The following EGFR variants were observed in gnomAD, a reference collection of about 807,000 sequenced individuals.
EGFR encodes the protein avian erythroblastic leukemia viral (v-erb-b) oncogene homolog.
In EGFR, 58 loss-of-function variants were observed where a neutral mutation model predicts 143.0. That is an observed-to-expected ratio of 0.41 (90% CI 0.33 to 0.50). EGFR has a LOEUF of 0.50. EGFR is among the 20% of genes least tolerant of loss of function. The pLI is 0.39. For synonymous variants in EGFR, 613 were observed against 594.4 expected (o/e 1.03, Z -0.45); for missense variants, 1,307 against 1,579.0 (o/e 0.83, Z 2.92).
At chr7:55,082,372 G>T (rs762753929) in intron 1 of EGFR, among the ~76,000 whole-genome samples, 1 of 152,018 alleles carries the variant, frequency 6.6e-6, no homozygotes, top group Admixed American at 6.6e-5. Flanking sequence ...TTCATAAGCA[G>T]CTTTGGTGTT....
Position 55,173,088 on chromosome 7 carries a change from G to A in EGFR, c.2025G>A (p.Arg675=), listed in dbSNP as rs372471129. 9.5e-5 allele frequency: 153 copies of A among 1,612,706 alleles called. No individual in the cohort carries two copies. The highest frequency in any genetic ancestry group is 1.2e-4 in the Non-Finnish European group (144 of 1,180,050). ...TCATGCGAAGGCGCCACATCGTTCG[G>A]AAGCGCACGCTGCGGAGGCTGCTGC... ...GLFMRRRHIV[R]KRTLRRLLQE... is the part of the protein sequence containing the mutation. The change falls in exon 17 of 28, where the codon CGG becomes CGA. Residue 675 remains arginine, a synonymous_variant. Coordinates refer to ENST00000275493, the MANE Select transcript of EGFR (RefSeq NM_005228.5).
rs921852102 is a variant in EGFR at position 55,146,732 on chromosome 7, T to A, written c.551T>A (p.Leu184Gln). The change falls in exon 4 of 28, where the codon CTG (leucine) becomes CAG (glutamine). Residue 184 changes from leucine (L) to glutamine (Q), a missense_variant. This residue lies in a region of EGFR where 311 missense variants were observed against 412.3 expected (regional missense o/e 0.75). Coordinates refer to ENST00000275493, the MANE Select transcript of EGFR (RefSeq NM_005228.5). ...SNMSMDFQNH[L>Q]GSCQKCDPSC... ...ATGTCGATGGACTTCCAGAACCACC[T>A]GGGCAGCTGTAAGTGTCGCATACAC... is the stretch of plus-strand genomic sequence containing the variant. 2.5e-6 allele frequency: 4 copies of A among 1,614,076 alleles called. No individual in the cohort carries two copies. The highest frequency in any genetic ancestry group is 1.7e-5 in the Admixed American group (1 of 60,004).
Position 55,152,664 on chromosome 7 carries a change from G to T in EGFR, c.747G>T (p.Leu249=). The part of the protein sequence containing the change: ...GCTGPRESDC[L]VCRKFRDEAT... ...CAGGCCCCCGGGAGAGCGACTGCCT[G>T]GTAAGATGCCCCTCCAGCAGCCTCC... The change falls in exon 6 of 28, where the codon CTG becomes CTT. Residue 249 remains leucine (L), a splice_region_variant and synonymous_variant. Coordinates refer to ENST00000275493, the MANE Select transcript of EGFR (RefSeq NM_005228.5). 1 of 1,613,004 alleles carries T rather than the reference G, an allele frequency of 6.2e-7. No homozygotes were observed. The highest frequency in any genetic ancestry group is 8.5e-7 in the Non-Finnish European group (1 of 1,179,658).
At chr7:55,155,482 C>G (rs1164283885) in intron 7 of EGFR, among the ~76,000 whole-genome samples, 1 of 152,128 alleles carries the variant, frequency 6.6e-6, no homozygotes, top group Non-Finnish European at 1.5e-5. Context: ...CTAAAAATAA[C>G]GCAGAAGTCT....
intron 4 of EGFR, among the ~76,000 whole-genome samples, chr7:55,148,742 C>T: frequency 6.6e-6 from 1 of 152,112 alleles, no homozygotes; most frequent in East Asian, 1.9e-4. Flanking sequence ...TTCCTCCTTA[C>T]CATCTAGAGG....
chr7:55,163,894 TG>T, intron 14 of EGFR, 71 bp downstream of exon 14: 1 of 1,537,470 alleles, frequency 6.5e-7, no homozygotes, highest in Non-Finnish European at 9.0e-7. Flanking sequence ...ACAGTGATGA[TG>T]GCCCAGGGCA....
At chr7:55,172,819 T>G (rs1255615926) in intron 16 of EGFR, 164 bp from the exon 17 acceptor site, 1 of 1,548,240 alleles carries the variant, frequency 6.5e-7, no homozygotes, top group Admixed American at 1.9e-5. Context: ...AAACGTTGCC[T>G]TAGAAGCCTG....
At chr7:55,179,057 G>T (rs999905491) in intron 19 of EGFR, among the ~76,000 whole-genome samples, 1 of 152,230 alleles carries the variant, frequency 6.6e-6, no homozygotes, top group Non-Finnish European at 1.5e-5. Flanking sequence ...GCGGAGACTT[G>T]AGTCAACGTA....
At chr7:55,137,765 G>A (rs986031395) in intron 1 of EGFR, among the ~76,000 whole-genome samples, 3 of 152,296 alleles carry the variant, frequency 2.0e-5, no homozygotes, top group Non-Finnish European at 4.4e-5. Flanking sequence ...ATGTTCTAAA[G>A]CAAGCAAAGC....
chr7:55,055,195 T>C (rs1486332820), intron 1 of EGFR, among the ~76,000 whole-genome samples: 1 of 152,210 alleles, frequency 6.6e-6, no homozygotes, highest in African/African-American at 2.4e-5. Context: ...CTCTCTATAG[T>C]GCTGCTGAAA....
chr7:55,033,963 T>G (rs933584846), intron 1 of EGFR, among the ~76,000 whole-genome samples: 1 of 152,212 alleles, frequency 6.6e-6, no homozygotes, highest in Non-Finnish European at 1.5e-5. Context: ...CTATGACGAC[T>G]GTGACTGGCC....
chr7:55,170,705 G>C, intron 15 of EGFR: 3 of 1,542,372 alleles, frequency 1.9e-6, no homozygotes, highest in Non-Finnish European at 2.6e-6. Flanking sequence ...CCCCAGGACT[G>C]ACCTCTTCCT....
At chr7:55,095,368 G>T (rs1352583872) in intron 1 of EGFR, among the ~76,000 whole-genome samples, 1 of 152,230 alleles carries the variant, frequency 6.6e-6, no homozygotes, top group Admixed American at 6.5e-5. Context: ...GAGGTTGACA[G>T]TTATTACTGT....
intron 1 of EGFR, among the ~76,000 whole-genome samples, chr7:55,035,532 A>T (rs1022345768): frequency 6.6e-6 from 1 of 151,666 alleles, no homozygotes; most frequent in African/African-American, 2.4e-5. Flanking sequence ...ACAAAAAAAA[A>T]ACTAGCCACG....
intron 15 of EGFR, among the ~76,000 whole-genome samples, chr7:55,167,895 A>G (rs1786147075): frequency 6.6e-6 from 1 of 152,224 alleles, no homozygotes; most frequent in South Asian, 2.1e-4. Flanking sequence ...AGTGGACATC[A>G]GAGCTTGGCA....
intron 18 of EGFR, 121 bp downstream of exon 18, chr7:55,174,164 G>A (rs1786487349): frequency 1.4e-6 from 2 of 1,402,942 alleles, no homozygotes; most frequent in African/African-American, 1.4e-5. Context: ...GTTTCACTGA[G>A]TGTTTGGGAA....
intron 10 of EGFR, 165 bp downstream of exon 10, chr7:55,156,997 G>A (rs1327084486): frequency 2.0e-6 from 3 of 1,474,218 alleles, no homozygotes; most frequent in East Asian, 2.5e-5. Context: ...TCTCCTGCAG[G>A]CAAAAGGGGA....
At position 55,205,743 on chromosome 7, in the gene EGFR, AC is replaced by A; in HGVS notation, c.*127del. On this transcript the variant is annotated 3_prime_UTR_variant, in exon 28 of 28. Transcript: ENST00000275493. ...CTTAGACCCACAGACTGGTTTTGCA[AC>A]GTTTACACCGACTAGCCAGGAAGTA... 1 of 1,475,120 alleles carries A rather than the reference AC, an allele frequency of 6.8e-7. No individual in the cohort carries two copies. The highest frequency in any genetic ancestry group is 9.4e-7 in the Non-Finnish European group (1 of 1,065,966). The allele number at this position is 1,475,120 out of a possible 1,614,324, so 91.4% of individuals were successfully genotyped here.
At chr7:55,084,925 C>T (rs1293420993) in intron 1 of EGFR, among the ~76,000 whole-genome samples, 1 of 152,160 alleles carries the variant, frequency 6.6e-6, no homozygotes, top group East Asian at 1.9e-4. Flanking sequence ...GGCAGTACAG[C>T]CCCATCCGTG....
Sources: allele counts gnomAD v4.1 joint callset (sites outside exome capture counted in the v4.1 genomes callset), GRCh38; gene constraint gnomAD v4.1.1; regional missense constraint gnomAD v4.1.1; transcripts MANE v1.5; gene names NCBI Gene and HGNC (gene_info 2026-07-23, HGNC 2026-07-21).